The following EEFSEC variants were observed in gnomAD, a reference collection of about 807,000 sequenced individuals.
The protein encoded by EEFSEC is eukaryotic elongation factor, selenocysteine-tRNA specific, also known as selenocysteine-specific elongation factor.
EEFSEC carries 43 observed loss-of-function variants against 42.1 expected under a neutral mutation model. The ratio of observed to expected loss-of-function variants is 1.02; its 90% CI spans 0.80 to 1.32. EEFSEC has a LOEUF of 1.32. Among genes scored for constraint, EEFSEC ranks in the 40% most tolerant of loss-of-function variants. EEFSEC has a pLI of 0.00. For missense variants in EEFSEC, 745 were observed against 803.6 expected, an observed-to-expected ratio of 0.93 and a Z score of 0.88; for synonymous variants, 354 against 339.1, an observed-to-expected ratio of 1.04 and a Z score of -0.48.
intron 2 of EEFSEC, among the ~76,000 whole-genome samples, chr3:128,248,118 A>C (rs2066146473): frequency 6.6e-6 from 1 of 152,188 alleles, no homozygotes; most frequent in Non-Finnish European, 1.5e-5. Context: ...CTTGTTGAGC[A>C]CAGTGTTGAC....
intron 4 of EEFSEC, among the ~76,000 whole-genome samples, chr3:128,311,695 A>G (rs2066891764): frequency 6.6e-6 from 1 of 152,210 alleles, no homozygotes; most frequent in African/African-American, 2.4e-5. Flanking sequence ...CTGTGCCTCC[A>G]TCTCTTTTCA....
intron 4 of EEFSEC, among the ~76,000 whole-genome samples, chr3:128,269,009 G>A (rs539778618): frequency 1.2e-4 from 18 of 152,334 alleles, no homozygotes; most frequent in African/African-American, 4.3e-4. Context: ...CTGAGCTTTG[G>A]CTTCCTCGCA....
intron 4 of EEFSEC, among the ~76,000 whole-genome samples, chr3:128,283,847 C>G (rs542226299): frequency 2.0e-4 from 31 of 152,344 alleles, no homozygotes; most frequent in African/African-American, 6.5e-4. Flanking sequence ...CACTGGGGAA[C>G]TGGGGGAAGC....
chr3:128,413,290 G>A (rs1437166587), downstream of EEFSEC, among the ~76,000 whole-genome samples: 4 of 152,138 alleles, frequency 2.6e-5, no homozygotes, highest in South Asian at 2.1e-4. Flanking sequence ...TTGAGTGCTC[G>A]AATATTTATG....
intron 4 of EEFSEC, among the ~76,000 whole-genome samples, chr3:128,338,260 C>T (rs991315530): frequency 6.6e-6 from 1 of 152,176 alleles, no homozygotes; most frequent in South Asian, 2.1e-4. Context: ...AAAGGGAATG[C>T]TGTGCGCCAA....
At chr3:128,301,254 C>G (rs750814306) in intron 4 of EEFSEC, among the ~76,000 whole-genome samples, 2 of 152,268 alleles carry the variant, frequency 1.3e-5, no homozygotes, top group South Asian at 4.1e-4. Flanking sequence ...TGGGAGGCCC[C>G]GCAGCTGCAC....
intron 2 of EEFSEC, among the ~76,000 whole-genome samples, chr3:128,253,980 G>T (rs1317232210): frequency 2.0e-5 from 3 of 152,158 alleles, no homozygotes; most frequent in African/African-American, 7.2e-5. Flanking sequence ...AAAAAAATCT[G>T]ATTTTCTTCA....
intron 1 of EEFSEC, among the ~76,000 whole-genome samples, chr3:128,222,199 A>T (rs904452938): frequency 2.0e-5 from 3 of 151,812 alleles, no homozygotes; most frequent in African/African-American, 7.3e-5. Flanking sequence ...CCAGCCAGCT[A>T]ATTTTTGTAT....
At chr3:128,196,016 G>A (rs558118714) in intron 1 of EEFSEC, among the ~76,000 whole-genome samples, 4 of 152,260 alleles carry the variant, frequency 2.6e-5, no homozygotes, top group Non-Finnish European at 4.4e-5. Context: ...GCGAGGGCCT[G>A]CAAAACGGGG....
At chr3:128,388,313 G>A (rs1362173278) in intron 6 of EEFSEC, among the ~76,000 whole-genome samples, 1 of 152,154 alleles carries the variant, frequency 6.6e-6, no homozygotes, top group Non-Finnish European at 1.5e-5. Flanking sequence ...CTGCCTGCAT[G>A]CCAAGTCCCC....
chr3:128,418,554 C>G, the EEFSEC span, among the ~76,000 whole-genome samples: 1 of 151,638 alleles, frequency 6.6e-6, no homozygotes, highest in Non-Finnish European at 1.5e-5. Flanking sequence ...GCCCCACAGA[C>G]TGTCCACATA....
chr3:128,360,526 C>T (rs1046087799), intron 6 of EEFSEC, among the ~76,000 whole-genome samples: 14 of 152,338 alleles, frequency 9.2e-5, no homozygotes, highest in African/African-American at 2.6e-4. Context: ...GCTAGGATCA[C>T]GCTGACCTCC....
intron 1 of EEFSEC, among the ~76,000 whole-genome samples, chr3:128,234,089 G>C (rs991808416): frequency 2.0e-5 from 3 of 151,622 alleles, no homozygotes; most frequent in African/African-American, 7.3e-5. Context: ...GTCTTGCTCT[G>C]TCGCCCAGGC....
intron 6 of EEFSEC, among the ~76,000 whole-genome samples, chr3:128,394,408 G>A (rs1042703767): frequency 4.6e-5 from 7 of 152,216 alleles, no homozygotes; most frequent in Admixed American, 1.3e-4. Flanking sequence ...ACTGCTCCCC[G>A]GGCCTTTGTT....
intron 4 of EEFSEC, among the ~76,000 whole-genome samples, chr3:128,318,024 C>G (rs1559917752): frequency 6.6e-6 from 1 of 152,220 alleles, no homozygotes; most frequent in Admixed American, 6.5e-5. Context: ...TGCCTGGTCC[C>G]CTGTTTCTCT....
chr3:128,189,493 C>T (rs2065499003), intron 1 of EEFSEC, among the ~76,000 whole-genome samples: 1 of 151,770 alleles, frequency 6.6e-6, no homozygotes, highest in Non-Finnish European at 1.5e-5. Flanking sequence ...TAATACATGA[C>T]TGGTTTATGT....
chr3:128,202,843 G>A (rs1389429536), intron 1 of EEFSEC, among the ~76,000 whole-genome samples: 1 of 152,144 alleles, frequency 6.6e-6, no homozygotes, highest in Non-Finnish European at 1.5e-5. Flanking sequence ...TCCTAGTGTG[G>A]TGAATGGTTT....
At chr3:128,207,608 T>C (rs998959118) in intron 1 of EEFSEC, among the ~76,000 whole-genome samples, 5 of 143,928 alleles carry the variant, frequency 3.5e-5, no homozygotes, top group African/African-American at 1.3e-4. Flanking sequence ...CACACACGCT[T>C]AACAAGATAA....
intron 1 of EEFSEC, among the ~76,000 whole-genome samples, chr3:128,215,016 G>A (rs1184404103): frequency 6.6e-6 from 1 of 152,150 alleles, no homozygotes; most frequent in African/African-American, 2.4e-5. Context: ...AGAAGACATA[G>A]TATTTCATTA....
Sources: allele counts gnomAD v4.1 joint callset (sites outside exome capture counted in the v4.1 genomes callset), GRCh38; gene constraint gnomAD v4.1.1; transcripts MANE v1.5; gene names NCBI Gene and HGNC (gene_info 2026-07-23, HGNC 2026-07-21).